MOXD1: variants seen among roughly 807,000 people sequenced by gnomAD.
MOXD1 encodes the protein DBH-like monooxygenase protein 1.
A neutral mutation model predicts 66.6 loss-of-function variants in MOXD1; 62 were observed. That is an observed-to-expected ratio of 0.93 (90% CI 0.76 to 1.15). The LOEUF is 1.15. MOXD1 is among the 50% of genes most tolerant of loss of function. MOXD1 has a pLI of 0.00. For missense variants in MOXD1, 847 were observed against 754.6 expected (o/e 1.12, Z -1.44); for synonymous variants, 303 against 281.9 (o/e 1.07, Z -0.75).
At chr6:132,325,225 G>C (rs1775162746) in intron 6 of MOXD1, 1 of 152,180 alleles carries the variant, frequency 6.6e-6, no homozygotes, top group South Asian at 2.1e-4. Context: ...AGGAAGCACT[G>C]TGATGTGACA....
intron 8 of MOXD1, 88 bp from the exon 9 acceptor site, chr6:132,320,776 C>T: frequency 9.1e-7 from 1 of 1,104,052 alleles, no homozygotes; most frequent in Non-Finnish European, 1.3e-6. Flanking sequence ...TTAATATTTG[C>T]TGTATGAATG....
rs560515283 is a variant in MOXD1 at position 132,367,762 on chromosome 6, G to A, written c.663+4846C>T. ...CTTAATGTAAGCAATTCCATTAGGAGGCACCATTTCCATTTAAATGAAAAT... is the reference window on the plus strand; with the variant it reads ...CTTAATGTAAGCAATTCCATTAGGAAGCACCATTTCCATTTAAATGAAAAT... On this transcript the variant is annotated intron_variant, in intron 4 of 11. Transcript: ENST00000367963. Among the ~76,000 whole-genome samples the A allele has an allele frequency of 2.0e-5, 3 of 152,208 alleles. No individual in the cohort carries two copies. The East Asian group carries it at 5.8e-4, about 29-fold the overall frequency.
intron 10 of MOXD1, among the ~76,000 whole-genome samples, chr6:132,303,433 CTT>C (rs1259369103): frequency 6.6e-6 from 1 of 151,966 alleles, no homozygotes; most frequent in East Asian, 1.9e-4. Context: ...GTTCAAGACA[CTT>C]ATATAAAATG....
rs752848162 is a variant in MOXD1 at position 132,320,628 on chromosome 6, C to T, written c.1365+1G>A. The T allele has an allele frequency of 8.1e-6, 13 of 1,603,304 alleles. No individual in the cohort carries two copies. Among genetic ancestry groups the T allele is most frequent in the Non-Finnish European group, 1.1e-5 (13 of 1,174,924 alleles). On this transcript the variant is annotated splice_donor_variant, in intron 9 of 11. Coordinates refer to ENST00000367963, the MANE Select transcript of MOXD1 (RefSeq NM_015529.4). LOFTEE classifies it high-confidence loss of function. ...TTTAATAATAATAAAAGTTTTCTTA[C>T]CCAAGTCATCTCAGCTCTATCTTTC...
At chr6:132,345,601 T>C (rs1775653250) in intron 4 of MOXD1, among the ~76,000 whole-genome samples, 1 of 152,186 alleles carries the variant, frequency 6.6e-6, no homozygotes, top group South Asian at 2.1e-4. Context: ...AATTAGATAA[T>C]AGTCTCCAAA....
chr6:132,323,986 G>T lies in MOXD1; in HGVS notation c.1058C>A (p.Pro353Gln). 1 of 1,613,832 alleles carries T rather than the reference G, an allele frequency of 6.2e-7. No homozygotes were observed. The highest frequency in any genetic ancestry group is 8.5e-7 in the Non-Finnish European group (1 of 1,179,824). ...LWVSLFHTIP[P>Q]GMPEFQSEGH... ...CTCAGACTGGAACTCAGGCATCCCT[G>T]GAGGGATGGTATGGAAGAGGCTCAC... Residue 353 changes from proline to glutamine, a missense_variant, in exon 7 of 12, where the codon CCA becomes CAA. Pro to Gln is a moderately conservative substitution (Grantham distance 76). Coordinates refer to ENST00000367963, the MANE Select transcript of MOXD1 (RefSeq NM_015529.4).
In MOXD1 at chr6:132,297,258, C is replaced by A; in HGVS notation, c.1737G>T (p.Leu579Phe). ...DIERPYKAEP[L>F]VCGTSSSSSL... ...AAGAGGAAGAAGACGTGCCACACAC[C>A]AAAGGTTCTGCTTTATAGGGTCTTT... The change falls in exon 12 of 12, where the codon TTG becomes TTT. Residue 579 changes from leucine (L) to phenylalanine (F), a missense_variant. Leu to Phe is a conservative substitution (Grantham distance 22). Coordinates refer to ENST00000367963, the MANE Select transcript of MOXD1 (RefSeq NM_015529.4). 6.2e-7 allele frequency: 1 copy of A among 1,613,590 alleles called. No individual in the cohort carries two copies. The highest frequency in any genetic ancestry group is 8.5e-7 in the Non-Finnish European group (1 of 1,179,658).
At chr6:132,320,966 A>G (rs1775066112) in intron 8 of MOXD1, among the ~76,000 whole-genome samples, 1 of 152,294 alleles carries the variant, frequency 6.6e-6, no homozygotes, top group Non-Finnish European at 1.5e-5. Flanking sequence ...CCTAAAGATA[A>G]AAATTGTTCT....
rs755515844 is a variant in MOXD1, at chr6:132,297,265, T to C, written c.1730A>G (p.Glu577Gly). 2.7e-5 allele frequency: 44 copies of C among 1,613,526 alleles called. 2 individuals are homozygous for C. The South Asian group carries it at 4.4e-4, about 16-fold the overall frequency. ...AGAAGACGTGCCACACACCAAAGGT[T>C]CTGCTTTATAGGGTCTTTCTATATC... ...PPDIERPYKA[E>G]PLVCGTSSSS... Residue 577 changes from glutamate (E) to glycine (G), a missense_variant, in exon 12 of 12, where the codon GAA (glutamate) becomes GGA (glycine). Coordinates refer to ENST00000367963, the MANE Select transcript of MOXD1 (RefSeq NM_015529.4).
intron 4 of MOXD1, among the ~76,000 whole-genome samples, chr6:132,350,343 G>A (rs552932791): frequency 1.7e-3 from 257 of 152,220 alleles, no homozygotes; most frequent in Admixed American, 3.3e-3. Flanking sequence ...TCCTACATGT[G>A]GCTAGCTTAT....
intron 4 of MOXD1, among the ~76,000 whole-genome samples, chr6:132,333,038 T>G (rs1775357145): frequency 6.6e-6 from 1 of 152,084 alleles, no homozygotes; most frequent in Non-Finnish European, 1.5e-5. Context: ...ATTTTTTAAT[T>G]AAAAATACTG....
In MOXD1 at chr6:132,320,488, G is replaced by A. The variant is rs560324043; in HGVS notation, c.1365+141C>T. 4.9e-6 allele frequency: 3 copies of A among 618,004 alleles called. No homozygotes were observed. In the South Asian group the frequency reaches 7.9e-5, roughly 16 times the overall value. 38.3% of individuals were successfully genotyped at this position (618,004 alleles called of 1,614,324 possible). A position where few individuals can be genotyped will look rare whatever the true frequency, so the allele number is the denominator to read the frequency against. On this transcript the variant is annotated intron_variant, in intron 9 of 11. Transcript: ENST00000367963. ...AGAAAATGCTAAAAACATCTCTGAT[G>A]TCACTTTTATGATACTTGATACTCA...
intron 4 of MOXD1, among the ~76,000 whole-genome samples, chr6:132,345,747 G>A (rs112300443): frequency 0.014 from 2,123 of 152,012 alleles, 59 homozygotes; most frequent in African/African-American, 0.048. Context: ...CTAGAACAAC[G>A]GAGTTTTCTT....
At chr6:132,326,836 G>A (rs888676759) in intron 6 of MOXD1, among the ~76,000 whole-genome samples, 3 of 152,154 alleles carry the variant, frequency 2.0e-5, no homozygotes, top group Non-Finnish European at 4.4e-5. Flanking sequence ...AGAATAGCTT[G>A]ACACCTACTT....
rs1315954476 is a variant in MOXD1 at position 132,322,789 on chromosome 6, G to T, written c.1195C>A (p.Leu399Met). ...HAHLAGRGIRLRHFRKGKEMK... is the reference protein window; with the variant it reads ...HAHLAGRGIRMRHFRKGKEMK... Reference sequence around the variant, plus strand: ...TCCTTCCCTTTTCGAAAATGACGCAGCCTGATGCCTCTGCCAGCCAGGTGA... The same window carrying T: ...TCCTTCCCTTTTCGAAAATGACGCATCCTGATGCCTCTGCCAGCCAGGTGA... The change falls in exon 8 of 12, where the codon CTG becomes ATG. Residue 399 changes from leucine (L) to methionine (M), a missense_variant. Physicochemically the swap from Leu to Met is conservative, Grantham distance 15. Transcript: ENST00000367963. 4 of 1,613,916 alleles carry T rather than the reference G, an allele frequency of 2.5e-6. No homozygotes were observed. The highest frequency in any genetic ancestry group is 3.4e-6 in the Non-Finnish European group (4 of 1,179,992).
intron 4 of MOXD1, among the ~76,000 whole-genome samples, chr6:132,356,893 C>T (rs1312149718): frequency 6.6e-6 from 1 of 151,950 alleles, no homozygotes; most frequent in Non-Finnish European, 1.5e-5. Context: ...GCATTAGTCA[C>T]CTCAGGAAAG....
chr6:132,390,567 G>T (rs1776739191), intron 1 of MOXD1: 1 of 151,600 alleles, frequency 6.6e-6, no homozygotes, highest in Non-Finnish European at 1.5e-5. Flanking sequence ...CTCATTCAAT[G>T]TTGTGTCCCC....
intron 10 of MOXD1, among the ~76,000 whole-genome samples, chr6:132,303,886 T>TATATATATAC (rs1562276577): frequency 1.2e-5 from 1 of 84,932 alleles, no homozygotes; most frequent in African/African-American, 6.8e-5. Context: ...TATACATATA[T>TATATATATAC]ACATAAAACC....
rs143244353 is a variant in MOXD1, at chr6:132,330,849, C to T, written c.664-2255G>A. Among the ~76,000 whole-genome samples the T allele has an allele frequency of 2.1e-3, 327 of 152,236 alleles. 1 individual carries two copies. Among genetic ancestry groups the T allele is most frequent in the African/African-American group, 7.4e-3 (307 of 41,542 alleles). ...AGGGGGGAAATGGTATGTAGTGGGT[C>T]GTGTCTGAATGGGCAGCCAAGAAAT... On this transcript the variant is annotated intron_variant, in intron 4 of 11. Coordinates refer to ENST00000367963, the MANE Select transcript of MOXD1 (RefSeq NM_015529.4).
Sources: gnomAD v4.1 joint callset for allele counts (sites outside exome capture counted in the v4.1 genomes callset) on GRCh38, gnomAD v4.1.1 for gene constraint, MANE v1.5 for transcripts, NCBI Gene and HGNC (gene_info 2026-07-23, HGNC 2026-07-21) for gene names.